GRIN2B: variants seen among roughly 807,000 people sequenced by gnomAD.
GRIN2B encodes glutamate receptor ionotropic, NMDA 2B.
Under a neutral mutation model 114.5 loss-of-function variants are expected in GRIN2B, and 5 were observed. The observed-to-expected ratio is 0.04, with a 90% CI of 0.02 to 0.09. The LOEUF (loss-of-function observed/expected upper bound fraction) is 0.09. Ranked by LOEUF, GRIN2B falls within the 10% of genes least tolerant of loss-of-function variation. The pLI is 1.00. For missense variants in GRIN2B, 1,108 were observed against 1,943.5 expected (o/e 0.57, Z 8.08); for synonymous variants, 787 against 745.1 (o/e 1.06, Z -0.92).
rs1161480272 is a variant in GRIN2B at position 13,547,933 on chromosome 12, A to ATATG, written c.*14846_*14849dup. On this transcript the variant is annotated 3_prime_UTR_variant, in exon 14 of 14. Coordinates refer to ENST00000609686, the MANE Select transcript of GRIN2B (RefSeq NM_000834.5). ...AGGCCTTACCCAAACAGGGTTATGT[A>ATATG]TATGTATGTATGTATGTATGTGTGT... The ATATG allele has an allele frequency of 6.7e-4, 84 of 124,662 alleles. No homozygotes were observed. The highest frequency in any genetic ancestry group is 2.2e-3 in the African/African-American group (78 of 36,230). 7.7% of individuals were successfully genotyped at this position (124,662 alleles called of 1,614,324 possible).
At chr12:13,684,468 G>A (rs1398136944) in intron 4 of GRIN2B, among the ~76,000 whole-genome samples, 2 of 152,246 alleles carry the variant, frequency 1.3e-5, no homozygotes, top group East Asian at 3.9e-4. Context: ...GATGAAAAAT[G>A]AAATTCCTCT....
At position 13,563,422 on chromosome 12, in the gene GRIN2B, C is replaced by T; in HGVS notation, c.3816G>A (p.Val1272=). The T allele has an allele frequency of 6.2e-7, 1 of 1,614,200 alleles. No homozygotes were observed. Among genetic ancestry groups the T allele is most frequent in the East Asian group, 2.2e-5 (1 of 44,880 alleles). ...ELDQPAAPVA[V]TSNASTTKYP... is the part of the protein sequence containing the mutation. ...ACTTAGTGGTGGAGGCGTTTGACGT[C>T]ACCGCCACTGGGGCAGCCGGCTGGT... The change falls in exon 14 of 14, where the codon GTG becomes GTA. Residue 1272 remains valine, a synonymous_variant. Coordinates refer to ENST00000609686, the MANE Select transcript of GRIN2B (RefSeq NM_000834.5).
chr12:13,979,198 G>GA (rs1276214238), intron 2 of GRIN2B, among the ~76,000 whole-genome samples: 4 of 152,024 alleles, frequency 2.6e-5, no homozygotes, highest in Non-Finnish European at 5.9e-5. Flanking sequence ...AATAGCACAG[G>GA]AAAAAATACA....
rs148420587 is a variant in GRIN2B at position 13,968,126 on chromosome 12, G to A, written c.-19+11802C>T. ...AAGATTAAAAACTGCAGGTCACAAT[G>A]TCTAGGTGCCACTCTGCATTCAGAA... On this transcript the variant is annotated intron_variant, in intron 2 of 13. Coordinates refer to ENST00000609686, the MANE Select transcript of GRIN2B (RefSeq NM_000834.5). Among the ~76,000 whole-genome samples the A allele has an allele frequency of 2.5e-3, 388 of 152,318 alleles. 1 individual carries two copies. The highest frequency in any genetic ancestry group is 9.2e-3 in the African/African-American group (382 of 41,576).
intron 5 of GRIN2B, among the ~76,000 whole-genome samples, chr12:13,641,254 T>C (rs899536964): frequency 1.3e-5 from 2 of 151,926 alleles, no homozygotes; most frequent in Non-Finnish European, 2.9e-5. Flanking sequence ...GTATTTTTAG[T>C]AGAGATGGGG....
At chr12:13,635,101 C>T (rs1051521357) in intron 5 of GRIN2B, among the ~76,000 whole-genome samples, 1 of 152,182 alleles carries the variant, frequency 6.6e-6, no homozygotes, top group Non-Finnish European at 1.5e-5. Flanking sequence ...AGATTTCATT[C>T]AGGTGCCTGG....
intron 4 of GRIN2B, among the ~76,000 whole-genome samples, chr12:13,709,222 A>C (rs1220970151): frequency 4.6e-5 from 7 of 152,060 alleles, no homozygotes; most frequent in African/African-American, 1.7e-4. Context: ...GCTTTAAATA[A>C]GGCTCAGAAA....
In GRIN2B at chr12:13,973,567, C is replaced by T. The variant is rs1221288099; in HGVS notation, c.-19+6361G>A. On this transcript the variant is annotated intron_variant, in intron 2 of 13. Coordinates refer to ENST00000609686, the MANE Select transcript of GRIN2B (RefSeq NM_000834.5). Reference sequence around the variant, plus strand: ...AGAGCTGGCCCTGCTTCCCCTCCACCGCCTTCTCAGGGACCCTGGGCACAG... The same window carrying T: ...AGAGCTGGCCCTGCTTCCCCTCCACTGCCTTCTCAGGGACCCTGGGCACAG... Among the ~76,000 whole-genome samples, 9 of 152,278 alleles carry T rather than the reference C, an allele frequency of 5.9e-5. No homozygotes were observed. The South Asian group carries it at 1.0e-3, about 18-fold the overall frequency.
At chr12:13,916,702 C>G (rs1200062152) in intron 2 of GRIN2B, among the ~76,000 whole-genome samples, 1 of 95,908 alleles carries the variant, frequency 1.0e-5, no homozygotes, top group Non-Finnish European at 2.1e-5. Flanking sequence ...TCTCTCCATA[C>G]ATATACATAT....
intron 2 of GRIN2B, among the ~76,000 whole-genome samples, chr12:13,889,862 C>T (rs958047112): frequency 1.3e-5 from 2 of 152,198 alleles, no homozygotes; most frequent in African/African-American, 4.8e-5. Context: ...GTAACAGATA[C>T]AGAGATGTAC....
chr12:13,967,303 G>A (rs772844231), intron 2 of GRIN2B, among the ~76,000 whole-genome samples: 3 of 152,174 alleles, frequency 2.0e-5, no homozygotes, highest in Admixed American at 1.3e-4. Flanking sequence ...CAGACACACA[G>A]TATGTTTCTT....
At chr12:13,747,006 T>A (rs73053624) in intron 4 of GRIN2B, among the ~76,000 whole-genome samples, 14,593 of 152,210 alleles carry the variant, frequency 0.096, 896 homozygotes, top group Non-Finnish European at 0.14. Context: ...CGGCCTTTAG[T>A]ATTCCTTTAG....
At chr12:13,852,390 G>A (rs1220248252) in intron 3 of GRIN2B, among the ~76,000 whole-genome samples, 1 of 152,168 alleles carries the variant, frequency 6.6e-6, no homozygotes, top group Non-Finnish European at 1.5e-5. Flanking sequence ...TTAGTTAGAG[G>A]AAAGCCAATT....
intron 2 of GRIN2B, among the ~76,000 whole-genome samples, chr12:13,945,330 A>G (rs1591635194): frequency 6.6e-6 from 1 of 152,138 alleles, no homozygotes; most frequent in Non-Finnish European, 1.5e-5. Flanking sequence ...ATGAGGTGTT[A>G]CAATGTTTTA....
At chr12:13,866,247 C>T in intron 2 of GRIN2B, 21 bp from the exon 3 acceptor site, 6 of 1,596,182 alleles carry the variant, frequency 3.8e-6, no homozygotes, top group Non-Finnish European at 5.1e-6. Context: ...AAAGAAAGAG[C>T]ATGTTAAAAT....
At chr12:13,592,642 G>T (rs1435703353) in intron 10 of GRIN2B, among the ~76,000 whole-genome samples, 1 of 152,154 alleles carries the variant, frequency 6.6e-6, no homozygotes, top group Admixed American at 6.5e-5. Flanking sequence ...AATTGCATTT[G>T]CTTGGGTTCA....
chr12:13,893,324 A>C (rs1206034451), intron 2 of GRIN2B, among the ~76,000 whole-genome samples: 2 of 152,190 alleles, frequency 1.3e-5, no homozygotes, highest in Non-Finnish European at 2.9e-5. Context: ...AAAATGATGC[A>C]GAAGACAGAT....
intron 2 of GRIN2B, among the ~76,000 whole-genome samples, chr12:13,893,183 A>C (rs756867865): frequency 6.6e-6 from 1 of 152,212 alleles, no homozygotes; most frequent in Non-Finnish European, 1.5e-5. Context: ...GCCATATTTT[A>C]GAATAGTAAA....
At position 13,558,142 on chromosome 12, in the gene GRIN2B, A is replaced by G. The variant is rs1310568024; in HGVS notation, c.*4641T>C. Reference sequence around the variant, plus strand: ...CTCTGACACCCAAGTGAAGAAAGCAAAAGCTCTGCTGTAGTGTGTAGCAGC... The same window carrying G: ...CTCTGACACCCAAGTGAAGAAAGCAGAAGCTCTGCTGTAGTGTGTAGCAGC... On this transcript the variant is annotated 3_prime_UTR_variant, in exon 14 of 14. Coordinates refer to ENST00000609686, the MANE Select transcript of GRIN2B (RefSeq NM_000834.5). The G allele has an allele frequency of 6.6e-6, 1 of 152,194 alleles. No individual in the cohort carries two copies. Among genetic ancestry groups the G allele is most frequent in the Non-Finnish European group, 1.5e-5 (1 of 68,034 alleles). 9.4% of individuals were successfully genotyped at this position (152,194 alleles called of 1,614,324 possible).
Sources: gnomAD v4.1 joint callset for allele counts (sites outside exome capture counted in the v4.1 genomes callset) on GRCh38, gnomAD v4.1.1 for gene constraint, MANE v1.5 for transcripts, NCBI Gene and HGNC (gene_info 2026-07-23, HGNC 2026-07-21) for gene names.